Variants in SAMD5 observed in about 807,000 individuals in gnomAD.
SAMD5 encodes sterile alpha motif domain containing 5, also known as sterile alpha motif domain-containing protein 5.
SAMD5 carries 13 observed loss-of-function variants against 11.3 expected under a neutral mutation model. The ratio of observed to expected loss-of-function variants is 1.15; its 90% confidence interval spans 0.75 to 1.83. The LOEUF (loss-of-function observed/expected upper bound fraction) is 1.83. Ranked by LOEUF, SAMD5 falls within the 40% of genes most tolerant of loss-of-function variation. The probability of loss-of-function intolerance (pLI) is 0.00; values close to 1 mark genes in which losing one functional copy is unlikely to be tolerated. For synonymous variants in SAMD5, 129 were observed against 111.3 expected (o/e 1.16, Z -1.00); for missense variants, 255 against 239.1 (o/e 1.07, Z -0.44).
At chr6:147,890,093 G>A in the SAMD5 span, among the ~76,000 whole-genome samples, 2 of 152,102 alleles carry the variant, frequency 1.3e-5, no homozygotes, top group South Asian at 2.1e-4. Flanking sequence ...AATTTTAAAT[G>A]TTTTGAACCA....
At chr6:147,707,090 T>A (rs1372214874) in intron 1 of SAMD5, among the ~76,000 whole-genome samples, 1 of 152,182 alleles carries the variant, frequency 6.6e-6, no homozygotes, top group African/African-American at 2.4e-5. Flanking sequence ...GGAACAGAAG[T>A]TTTAGTCATT....
chr6:147,766,026 C>A, the SAMD5 span, among the ~76,000 whole-genome samples: 1 of 150,060 alleles, frequency 6.7e-6, no homozygotes, highest in Non-Finnish European at 1.5e-5. Flanking sequence ...GGAATATGCC[C>A]ATGAAAACAG....
At chr6:147,577,281 A>T (rs1436943165) in intron 1 of SAMD5, among the ~76,000 whole-genome samples, 1 of 152,264 alleles carries the variant, frequency 6.6e-6, no homozygotes, top group Non-Finnish European at 1.5e-5. Flanking sequence ...CCATGTCCAC[A>T]TTAGAAATAT....
chr6:147,847,664 C>T, the SAMD5 span, among the ~76,000 whole-genome samples: 1 of 152,056 alleles, frequency 6.6e-6, no homozygotes, highest in Non-Finnish European at 1.5e-5. Flanking sequence ...ACCAGCCTGG[C>T]CAAGGTGGTG....
At chr6:147,772,742 G>A in the SAMD5 span, among the ~76,000 whole-genome samples, 53 of 152,196 alleles carry the variant, frequency 3.5e-4, no homozygotes, top group Middle Eastern at 3.4e-3. Context: ...TTGGATTAAG[G>A]CCCACTATCA....
the SAMD5 span, among the ~76,000 whole-genome samples, chr6:147,846,604 G>A: frequency 6.7e-3 from 1,026 of 152,296 alleles, 10 homozygotes; most frequent in Middle Eastern, 0.044. Context: ...GAGATCACTT[G>A]AGGTGAGGAG....
chr6:147,817,103 GCCAGGCTTC>G, the SAMD5 span, among the ~76,000 whole-genome samples: 1 of 152,124 alleles, frequency 6.6e-6, no homozygotes, highest in African/African-American at 2.4e-5. Flanking sequence ...CTCTATTCCT[GCCAGGCTTC>G]CCTTTTTTCA....
At chr6:147,605,718 T>C (rs1184029527) in intron 1 of SAMD5, among the ~76,000 whole-genome samples, 1 of 152,128 alleles carries the variant, frequency 6.6e-6, no homozygotes, top group Admixed American at 6.5e-5. Context: ...TTAATTGCAA[T>C]TTATGCAAAT....
chr6:147,899,090 G>C, the SAMD5 span, among the ~76,000 whole-genome samples: 1 of 148,002 alleles, frequency 6.8e-6, no homozygotes, highest in Non-Finnish European at 1.5e-5. Context: ...AGAATGGCGT[G>C]AATCTGGGAG....
rs376380561 is a variant in SAMD5 at position 147,566,402 on chromosome 6, C to T, written c.*1946C>T. 2.9e-5 allele frequency: 29 copies of T among 984,842 alleles called. No homozygotes were observed. The African/African-American group carries it at 4.7e-4, about 16-fold the overall frequency. The allele number at this position is 984,842 out of a possible 1,614,324, so 61.0% of individuals were successfully genotyped here. On this transcript the variant is annotated 3_prime_UTR_variant, in exon 2 of 2. Transcript: ENST00000367474. ...AATTTATTGTGATAACAAATGGCTT[C>T]CTGTTTGACCTCATTTCCAGGTGTC...
chr6:147,566,916 G>T lies in SAMD5; in HGVS notation c.*2460G>T, dbSNP rs944479424. 1 of 930,132 alleles carries T rather than the reference G, an allele frequency of 1.1e-6. No individual in the cohort carries two copies. The highest frequency in any genetic ancestry group is 6.2e-5 in the Admixed American group (1 of 16,184). The allele number at this position is 930,132 out of a possible 1,614,324, so 57.6% of individuals were successfully genotyped here. ...TCTTAGAAGGAGTAATTTTTTCAGC[G>T]TTTTTCCTCTGTATCTAAACACCAA... On this transcript the variant is annotated 3_prime_UTR_variant, in exon 2 of 2. Coordinates refer to ENST00000367474, the MANE Select transcript of SAMD5 (RefSeq NM_001030060.3).
chr6:147,874,605 C>T, the SAMD5 span, among the ~76,000 whole-genome samples: 3 of 129,560 alleles, frequency 2.3e-5, no homozygotes, highest in Admixed American at 8.2e-5. Flanking sequence ...AAAGACAGGG[C>T]ATTGGGTCTG....
At chr6:147,878,605 CTATA>C in the SAMD5 span, among the ~76,000 whole-genome samples, 1 of 141,954 alleles carries the variant, frequency 7.0e-6, no homozygotes, top group African/African-American at 2.6e-5. Flanking sequence ...ACATATATAT[CTATA>C]TAGATATATA....
chr6:147,820,631 A>C, the SAMD5 span, among the ~76,000 whole-genome samples: 2 of 152,250 alleles, frequency 1.3e-5, no homozygotes, highest in African/African-American at 4.8e-5. Flanking sequence ...TAGTCTGAAC[A>C]AAAGGGCTTC....
the SAMD5 span, among the ~76,000 whole-genome samples, chr6:147,898,189 G>A: frequency 6.6e-5 from 10 of 151,886 alleles, no homozygotes; most frequent in Admixed American, 2.0e-4. Flanking sequence ...CTAGCTTACC[G>A]ATTTATAAAT....
intron 1 of SAMD5, among the ~76,000 whole-genome samples, chr6:147,550,611 A>G (rs1356202204): frequency 1.3e-5 from 2 of 152,200 alleles, no homozygotes; most frequent in Non-Finnish European, 2.9e-5. Context: ...AGCAATATAG[A>G]TGGAACTGGA....
the SAMD5 span, among the ~76,000 whole-genome samples, chr6:147,782,084 C>A: frequency 6.6e-6 from 1 of 150,604 alleles, no homozygotes; most frequent in Admixed American, 6.6e-5. Flanking sequence ...CAATACATTC[C>A]AGTTTAACCA....
the SAMD5 span, among the ~76,000 whole-genome samples, chr6:147,758,410 G>T: frequency 6.6e-6 from 1 of 152,196 alleles, no homozygotes; most frequent in African/African-American, 2.4e-5. Context: ...ATGGCACAGA[G>T]ATTTAAGGCA....
rs1253225492 is a variant in SAMD5 at position 147,711,134 on chromosome 6, A to G, written c.163-26183A>G. ...TGGGAGGGTGTTGTAGAGAGAAGGA[A>G]TTGGTATTAATGGAGAACTTATTAT... On this transcript the variant is annotated intron_variant, in intron 1 of 1. Transcript: ENST00000566741. This position sits in a 1 kb window ranked among gnomAD's most constrained non-coding sequence, Gnocchi z 4.1. Among the ~76,000 whole-genome samples the G allele has an allele frequency of 6.6e-6, 1 of 152,114 alleles. No homozygotes were observed. The highest frequency in any genetic ancestry group is 6.6e-5 in the Admixed American group (1 of 15,264).
Sources: gnomAD v4.1 joint callset for allele counts (sites outside exome capture counted in the v4.1 genomes callset) on GRCh38, gnomAD v4.1.1 for gene constraint, Gnocchi (gnomAD v3.1) non-coding constraint, MANE v1.5 for transcripts, NCBI Gene and HGNC (gene_info 2026-07-23, HGNC 2026-07-21) for gene names.